Variants in RBBP8 observed in about 807,000 individuals in gnomAD.
RBBP8 encodes DNA endonuclease RBBP8.
Under a neutral mutation model 108.3 loss-of-function variants are expected in RBBP8, and 88 were observed. The observed-to-expected ratio is 0.81, with a 90% CI of 0.68 to 0.97. The LOEUF is 0.97. RBBP8 is among the 50% of genes least tolerant of loss of function. RBBP8 has a pLI of 0.00. For missense variants in RBBP8, 1,023 were observed against 1,049.0 expected, an observed-to-expected ratio of 0.98 and a Z score of 0.34; for synonymous variants, 332 against 348.2, an observed-to-expected ratio of 0.95 and a Z score of 0.52.
At chr18:23,007,120 A>G (rs1598737346) in intron 16 of RBBP8, among the ~76,000 whole-genome samples, 1 of 149,122 alleles carries the variant, frequency 6.7e-6, no homozygotes, top group South Asian at 2.1e-4. Context: ...TCCTGGGTTC[A>G]AGTTATTCTC....
intron 3 of RBBP8, among the ~76,000 whole-genome samples, chr18:22,918,602 T>G (rs1909458942): frequency 6.6e-6 from 1 of 152,212 alleles, no homozygotes. Context: ...ACCTTACTTG[T>G]GCCTTCTGAG....
At chr18:22,989,810 C>T (rs1915558068) in intron 9 of RBBP8, among the ~76,000 whole-genome samples, 1 of 151,984 alleles carries the variant, frequency 6.6e-6, no homozygotes, top group South Asian at 2.1e-4. Flanking sequence ...ATAGCTGGGA[C>T]TACAGACATA....
At chr18:23,015,570 T>C (rs1297577883) in intron 16 of RBBP8, among the ~76,000 whole-genome samples, 1 of 151,314 alleles carries the variant, frequency 6.6e-6, no homozygotes, top group Non-Finnish European at 1.5e-5. Flanking sequence ...ATTTTTTTTT[T>C]CTAGTAGTTT....
intron 8 of RBBP8, among the ~76,000 whole-genome samples, chr18:22,986,367 TA>T (rs765941946): frequency 2.6e-5 from 4 of 152,180 alleles, no homozygotes; most frequent in Non-Finnish European, 5.9e-5. Context: ...CATTGAGTGT[TA>T]AACTAGTAAC....
chr18:22,987,963 C>G (rs992727761), intron 8 of RBBP8, among the ~76,000 whole-genome samples: 1 of 152,228 alleles, frequency 6.6e-6, no homozygotes, highest in African/African-American at 2.4e-5. Flanking sequence ...ACCAACTCTT[C>G]ATCCTTGCAT....
Position 22,927,529 on chromosome 18 carries a change from C to T in RBBP8, c.-153-1854C>T, listed in dbSNP as rs138332948. On this transcript the variant is annotated intron_variant, in intron 3 of 4. Coordinates refer to the RBBP8 transcript ENST00000577588. The stretch of plus-strand genomic sequence containing the variant: ...ACAGTAGCCACTAGTCACATGCAGA[C>T]TTGAGAACTTATAATGTGGCTAGTC... Among the ~76,000 whole-genome samples, 898 of 152,156 alleles carry T rather than the reference C, an allele frequency of 5.9e-3. 9 individuals carry two copies. Among genetic ancestry groups the T allele is most frequent in the South Asian group, 0.028 (137 of 4,820 alleles).
chr18:22,963,036 CA>C (rs1913243610), intron 4 of RBBP8, among the ~76,000 whole-genome samples: 1 of 152,068 alleles, frequency 6.6e-6, no homozygotes, highest in South Asian at 2.1e-4. Context: ...TTTATAATTT[CA>C]GCCAAAAGAA....
intron 4 of RBBP8, among the ~76,000 whole-genome samples, chr18:22,953,280 G>A (rs1912198975): frequency 6.6e-6 from 1 of 152,216 alleles, no homozygotes; most frequent in African/African-American, 2.4e-5. Flanking sequence ...ACAGGTGAAG[G>A]ATTTCACAGC....
intron 1 of RBBP8, among the ~76,000 whole-genome samples, chr18:22,936,488 A>G (rs935687742): frequency 6.6e-6 from 1 of 152,224 alleles, no homozygotes; most frequent in African/African-American, 2.4e-5. Flanking sequence ...TCTGTTTAAT[A>G]TAATTGAGAT....
At chr18:22,965,745 G>T (rs964157139) in intron 4 of RBBP8, among the ~76,000 whole-genome samples, 1 of 151,816 alleles carries the variant, frequency 6.6e-6, no homozygotes, top group Non-Finnish European at 1.5e-5. Flanking sequence ...TTCTTAAAAC[G>T]TGCTTTTAAT....
chr18:23,020,071 T>C (rs2046323819), intron 17 of RBBP8, among the ~76,000 whole-genome samples: 1 of 151,832 alleles, frequency 6.6e-6, no homozygotes, highest in Non-Finnish European at 1.5e-5. Context: ...CAACATTTTA[T>C]AATTGTAATA....
intron 15 of RBBP8, among the ~76,000 whole-genome samples, chr18:23,002,072 T>C (rs968353145): frequency 6.6e-6 from 1 of 152,186 alleles, no homozygotes; most frequent in Non-Finnish European, 1.5e-5. Flanking sequence ...GAAATGTCTA[T>C]TAATTATTAA....
chr18:23,009,608 AC>A (rs2046120941), intron 16 of RBBP8, among the ~76,000 whole-genome samples: 1 of 151,562 alleles, frequency 6.6e-6, no homozygotes, highest in Non-Finnish European at 1.5e-5. Context: ...GATAAATCTC[AC>A]GTCTATTCTT....
Position 23,022,199 on chromosome 18 carries a change from A to C in RBBP8, c.2525A>C (p.Tyr842Ser). ...TCCTGCTCAAGACACCGATTCCGCT[A>C]CATTCCACCCAACACACCAGAGAAT... ...LASCSRHRFRYIPPNTPENFW... is the reference protein window; with the variant it reads ...LASCSRHRFRSIPPNTPENFW... Residue 842 changes from tyrosine (Y) to serine (S), a missense_variant, in exon 18 of 19, where the codon TAC (tyrosine) becomes TCC (serine). By Grantham distance (144) the Tyr-to-Ser change is moderately radical (BLOSUM62 -2). Coordinates refer to ENST00000327155, the MANE Select transcript of RBBP8 (RefSeq NM_002894.3). 1.2e-6 allele frequency: 2 copies of C among 1,611,852 alleles called. No homozygotes were observed. The highest frequency in any genetic ancestry group is 1.7e-6 in the Non-Finnish European group (2 of 1,177,866).
chr18:22,979,425 A>G (rs1357862377), intron 6 of RBBP8, among the ~76,000 whole-genome samples: 1 of 152,208 alleles, frequency 6.6e-6, no homozygotes, highest in Non-Finnish European at 1.5e-5. Flanking sequence ...TAATATTGGT[A>G]TCATTCAGGA....
intron 3 of RBBP8, among the ~76,000 whole-genome samples, chr18:22,917,967 C>T (rs1909427126): frequency 7.0e-6 from 1 of 142,122 alleles, no homozygotes; most frequent in Non-Finnish European, 1.5e-5. Context: ...CACTGCACTC[C>T]AGCCTGGTCA....
chr18:22,941,527 A>G (rs1322074240), intron 2 of RBBP8, among the ~76,000 whole-genome samples: 3 of 152,110 alleles, frequency 2.0e-5, no homozygotes, highest in African/African-American at 4.8e-5. Context: ...TCTTCTTCCT[A>G]TTCTTTGGTG....
At chr18:22,998,443 G>A (rs2045895758) in intron 14 of RBBP8, among the ~76,000 whole-genome samples, 1 of 152,176 alleles carries the variant, frequency 6.6e-6, no homozygotes, top group South Asian at 2.1e-4. Context: ...GAAGAGATGA[G>A]AACAATAGGA....
chr18:22,993,615 T>C lies in RBBP8; in HGVS notation c.1788T>C (p.Thr596=). 1.2e-6 allele frequency: 2 copies of C among 1,614,248 alleles called. No homozygotes were observed. Among genetic ancestry groups the C allele is most frequent in the Non-Finnish European group, 8.5e-7 (1 of 1,180,036 alleles). ...TACGTCCACGTGAAAGTTTGGAGAC[T>C]GAGAATGTTTTAGATGACATAAAGG... ...IPLRPRESLE[T]ENVLDDIKSA... The change falls in exon 11 of 19, where the codon ACT becomes ACC. Residue 596 remains threonine, a synonymous_variant. Transcript: ENST00000327155.
Sources: allele counts gnomAD v4.1 joint callset (sites outside exome capture counted in the v4.1 genomes callset), GRCh38; gene constraint gnomAD v4.1.1; transcripts MANE v1.5; gene names NCBI Gene and HGNC (gene_info 2026-07-23, HGNC 2026-07-21).